Variants in TRPM6 observed in about 807,000 individuals in gnomAD.
TRPM6 encodes the protein transient receptor potential cation channel subfamily M member 6.
In TRPM6, 111 loss-of-function variants were observed where a neutral mutation model predicts 247.6. That is an observed-to-expected ratio of 0.45 (90% CI 0.38 to 0.52). The LOEUF is 0.52. TRPM6 is among the 20% of genes least tolerant of loss of function. The pLI is 0.00. For missense variants in TRPM6, 2,126 were observed against 2,421.5 expected (o/e 0.88, Z 2.56); for synonymous variants, 892 against 853.8 (o/e 1.04, Z -0.78).
intron 36 of TRPM6, among the ~76,000 whole-genome samples, chr9:74,734,704 T>C (rs776708957): frequency 6.6e-6 from 1 of 152,200 alleles, no homozygotes; most frequent in East Asian, 1.9e-4. Flanking sequence ...AAGTGAAATT[T>C]TATTTCCTTA....
intron 17 of TRPM6, 181 bp downstream of exon 17, chr9:74,800,073 G>A: frequency 4.7e-6 from 3 of 644,274 alleles, no homozygotes; most frequent in Non-Finnish European, 8.3e-6. Flanking sequence ...GATAGAGGAA[G>A]ACCAATCTTC....
chr9:74,751,780 T>G (rs1380069810), intron 29 of TRPM6, among the ~76,000 whole-genome samples: 1 of 152,202 alleles, frequency 6.6e-6, no homozygotes, highest in Non-Finnish European at 1.5e-5. Flanking sequence ...AGCCTATGCT[T>G]GACTGATCGC....
At chr9:74,732,533 A>G (rs1217116158) in intron 37 of TRPM6, 152 bp downstream of exon 37, 1 of 548,360 alleles carries the variant, frequency 1.8e-6, no homozygotes, top group East Asian at 3.1e-5. Flanking sequence ...ATGCTTTTTT[A>G]TAATCTTATT....
chr9:74,752,401 C>T (rs764680097), intron 28 of TRPM6, 33 bp from the exon 29 acceptor site: 3 of 1,204,350 alleles, frequency 2.5e-6, no homozygotes, highest in East Asian at 2.4e-5. Flanking sequence ...TTAGAAAATA[C>T]ATGAAAATGT....
chr9:74,842,395 AAT>A (rs1470515315), intron 3 of TRPM6, 52 bp from the exon 4 acceptor site: 4 of 1,578,508 alleles, frequency 2.5e-6, no homozygotes, highest in East Asian at 2.2e-5. Flanking sequence ...AAATAGATGC[AAT>A]ATGTCTACCT....
intron 1 of TRPM6, 132 bp from the exon 2 acceptor site, chr9:74,858,880 G>C (rs1830610204): frequency 1.5e-6 from 1 of 680,446 alleles, no homozygotes. Flanking sequence ...CCCCACACAG[G>C]CTAAGCATTT....
intron 25 of TRPM6, 55 bp downstream of exon 25, chr9:74,771,648 A>G: frequency 6.4e-7 from 1 of 1,571,958 alleles, no homozygotes; most frequent in Non-Finnish European, 8.7e-7. Context: ...TAGATATTCT[A>G]GCAGAATCAC....
At chr9:74,754,996 A>G (rs979457578) in intron 28 of TRPM6, among the ~76,000 whole-genome samples, 2 of 152,246 alleles carry the variant, frequency 1.3e-5, no homozygotes, top group Non-Finnish European at 2.9e-5. Flanking sequence ...GTAGCAGTCC[A>G]TATCAGTGTC....
At chr9:74,863,572 T>C (rs1362340156) in intron 1 of TRPM6, among the ~76,000 whole-genome samples, 3 of 152,050 alleles carry the variant, frequency 2.0e-5, no homozygotes, top group South Asian at 2.1e-4. Context: ...AGATGTTCCT[T>C]AATCTTCAAA....
rs1249886012 is a variant in TRPM6 at position 74,827,758 on chromosome 9, T to A, written c.841+20A>T. 1 of 1,613,770 alleles carries A rather than the reference T, an allele frequency of 6.2e-7. No homozygotes were observed. Among genetic ancestry groups the A allele is most frequent in the East Asian group, 2.2e-5 (1 of 44,848 alleles). ...CAGGCCTGCAACCAGACTGGGTGAC[T>A]GAGCCCCTGTGATACTCACGGCAGT... On this transcript the variant is annotated intron_variant, in intron 7 of 38. Transcript: ENST00000360774.
intron 3 of TRPM6, among the ~76,000 whole-genome samples, chr9:74,853,767 C>G (rs540182229): frequency 3.9e-4 from 60 of 152,202 alleles, no homozygotes; most frequent in Non-Finnish European, 6.8e-4. Context: ...GACCCTTGTT[C>G]ACATGTTTAT....
At chr9:74,746,201 T>G (rs1275799522) in intron 31 of TRPM6, among the ~76,000 whole-genome samples, 1 of 150,366 alleles carries the variant, frequency 6.7e-6, no homozygotes, top group Non-Finnish European at 1.5e-5. Context: ...ATCGCGCCAC[T>G]GCACTGCAGC....
At chr9:74,764,130 A>C (rs571205437) in intron 25 of TRPM6, among the ~76,000 whole-genome samples, 4 of 152,174 alleles carry the variant, frequency 2.6e-5, no homozygotes, top group South Asian at 4.2e-4. Context: ...TCTCAAAAAA[A>C]AAAAAAAAAA....
intron 23 of TRPM6, among the ~76,000 whole-genome samples, chr9:74,777,016 A>G (rs1039528662): frequency 6.6e-6 from 1 of 152,214 alleles, no homozygotes; most frequent in African/African-American, 2.4e-5. Flanking sequence ...GGAGAAAGCC[A>G]TCTTTGGGTA....
intron 23 of TRPM6, among the ~76,000 whole-genome samples, chr9:74,779,848 T>A (rs1827356326): frequency 6.6e-6 from 1 of 152,114 alleles, no homozygotes; most frequent in East Asian, 1.9e-4. Flanking sequence ...TGGAGAGGAA[T>A]GGGTCAGGGG....
intron 21 of TRPM6, among the ~76,000 whole-genome samples, chr9:74,783,213 G>A (rs1827525245): frequency 6.6e-6 from 1 of 151,922 alleles, no homozygotes; most frequent in East Asian, 1.9e-4. Flanking sequence ...GGGTATTGTT[G>A]AATTAGTCCA....
At chr9:74,808,296 A>G (rs745938373) in intron 13 of TRPM6, 122 bp from the exon 14 acceptor site, 68 of 1,229,196 alleles carry the variant, frequency 5.5e-5, no homozygotes, top group Non-Finnish European at 7.8e-5. Flanking sequence ...AAATATCTTT[A>G]CAAACTGATT....
chr9:74,836,311 G>T (rs182838602), intron 5 of TRPM6, among the ~76,000 whole-genome samples: 1 of 152,140 alleles, frequency 6.6e-6, no homozygotes, highest in Non-Finnish European at 1.5e-5. Flanking sequence ...CCTATGTGTG[G>T]TACTGACCTT....
At chr9:74,791,210 T>C (rs1329456518) in intron 19 of TRPM6, among the ~76,000 whole-genome samples, 2 of 152,158 alleles carry the variant, frequency 1.3e-5, no homozygotes, top group African/African-American at 2.4e-5. Flanking sequence ...ATTACAAAAA[T>C]AGCAAAACCT....
Sources: gnomAD v4.1 joint callset for allele counts (sites outside exome capture counted in the v4.1 genomes callset) on GRCh38, gnomAD v4.1.1 for gene constraint, MANE v1.5 for transcripts, NCBI Gene and HGNC (gene_info 2026-07-23, HGNC 2026-07-21) for gene names.